SH3D19: variants seen among roughly 807,000 people sequenced by gnomAD.
The protein encoded by SH3D19 is SH3 domain-containing protein 19.
Under a neutral mutation model 112.1 loss-of-function variants are expected in SH3D19, and 58 were observed. The ratio of observed to expected loss-of-function variants is 0.52; its 90% CI spans 0.42 to 0.64. The LOEUF (loss-of-function observed/expected upper bound fraction) is 0.64. Among genes scored for constraint, SH3D19 ranks in the 30% least tolerant of loss-of-function variants. SH3D19 has a pLI of 0.00. For synonymous variants in SH3D19, 391 were observed against 448.5 expected, an observed-to-expected ratio of 0.87 and a Z score of 1.62; for missense variants, 1,090 against 1,263.4, an observed-to-expected ratio of 0.86 and a Z score of 2.08.
intron 1 of SH3D19, among the ~76,000 whole-genome samples, chr4:151,309,716 A>G (rs1580462592): frequency 6.6e-6 from 1 of 152,356 alleles, no homozygotes. Flanking sequence ...GAGGCTGGGC[A>G]TGACAGCTCA....
intron 1 of SH3D19, among the ~76,000 whole-genome samples, chr4:151,316,287 A>C (rs905911607): frequency 1.3e-5 from 2 of 152,212 alleles, no homozygotes; most frequent in Non-Finnish European, 2.9e-5. Context: ...ATCAAAAACA[A>C]GGAAAATCTA....
chr4:151,272,347 A>C (rs137917881), intron 1 of SH3D19, among the ~76,000 whole-genome samples: 111 of 152,350 alleles, frequency 7.3e-4, no homozygotes, highest in Non-Finnish European at 1.4e-3. Flanking sequence ...ATACCCATGA[A>C]AACGAAAGAA....
chr4:151,190,667 A>G (rs1473276548), intron 2 of SH3D19, among the ~76,000 whole-genome samples: 1 of 152,212 alleles, frequency 6.6e-6, no homozygotes. Flanking sequence ...GAGGTTTGGG[A>G]ACCTCCACCT....
At chr4:151,253,347 C>A (rs1337372048) in intron 1 of SH3D19, among the ~76,000 whole-genome samples, 1 of 152,206 alleles carries the variant, frequency 6.6e-6, no homozygotes, top group Non-Finnish European at 1.5e-5. Context: ...CCTCTCAGGT[C>A]TCTGCTCAGA....
At chr4:151,272,599 C>A (rs1773302906) in intron 1 of SH3D19, among the ~76,000 whole-genome samples, 1 of 152,098 alleles carries the variant, frequency 6.6e-6, no homozygotes, top group African/African-American at 2.4e-5. Context: ...CCTTTTTTAC[C>A]TTCACAACAT....
At chr4:151,151,896 A>T (rs1755120847) in intron 9 of SH3D19, among the ~76,000 whole-genome samples, 1 of 152,224 alleles carries the variant, frequency 6.6e-6, no homozygotes, top group Non-Finnish European at 1.5e-5. Context: ...AAGAAAATTT[A>T]AAAAATAGAT....
chr4:151,138,684 T>TCACACACACACA (rs1491306799), intron 13 of SH3D19, among the ~76,000 whole-genome samples: 3 of 135,780 alleles, frequency 2.2e-5, no homozygotes, highest in Non-Finnish European at 4.9e-5. Flanking sequence ...CAAGATCTTG[T>TCACACACACACA]CTCACACACA....
chr4:151,187,894 C>T (rs565759544), intron 2 of SH3D19, among the ~76,000 whole-genome samples: 66 of 152,276 alleles, frequency 4.3e-4, no homozygotes, highest in African/African-American at 1.5e-3. Flanking sequence ...AACAGCATTT[C>T]TTCTTAAGAT....
At chr4:151,287,170 G>C (rs1221034654) in intron 1 of SH3D19, among the ~76,000 whole-genome samples, 1 of 151,110 alleles carries the variant, frequency 6.6e-6, no homozygotes, top group African/African-American at 2.4e-5. Flanking sequence ...GTAAATCCTT[G>C]TCTCTATTAA....
chr4:151,158,472 G>C (rs1756544519), intron 9 of SH3D19, among the ~76,000 whole-genome samples: 1 of 151,872 alleles, frequency 6.6e-6, no homozygotes, highest in Admixed American at 6.6e-5. Context: ...GCTAATTTTT[G>C]TATTTTTAGT....
chr4:151,150,499 G>A (rs1391514777), intron 9 of SH3D19, among the ~76,000 whole-genome samples: 1 of 151,710 alleles, frequency 6.6e-6, no homozygotes, highest in Non-Finnish European at 1.5e-5. Context: ...TCAACAATTT[G>A]CAGTGGGTTT....
chr4:151,252,044 G>C (rs116676760), intron 1 of SH3D19, among the ~76,000 whole-genome samples: 3 of 152,184 alleles, frequency 2.0e-5, no homozygotes, highest in African/African-American at 7.2e-5. Context: ...TTCCTGTGTA[G>C]GAAAATCCGT....
chr4:151,165,544 C>T, intron 8 of SH3D19, 45 bp downstream of exon 8: 3 of 1,414,132 alleles, frequency 2.1e-6, no homozygotes, highest in Non-Finnish European at 3.0e-6. Flanking sequence ...TATATTTCTC[C>T]CAGCCTCTTG....
At chr4:151,203,297 A>G (rs1483061944) in intron 2 of SH3D19, among the ~76,000 whole-genome samples, 1 of 152,190 alleles carries the variant, frequency 6.6e-6, no homozygotes, top group Non-Finnish European at 1.5e-5. Context: ...GGGCTACTGG[A>G]TGACTTTCAG....
At chr4:151,173,125 A>G (rs1399684183) in intron 7 of SH3D19, among the ~76,000 whole-genome samples, 1 of 152,242 alleles carries the variant, frequency 6.6e-6, no homozygotes, top group Non-Finnish European at 1.5e-5. Context: ...GATACAAAAT[A>G]AATTCTCAGC....
chr4:151,304,187 CAG>C (rs1728724742), intron 1 of SH3D19, among the ~76,000 whole-genome samples: 1 of 151,962 alleles, frequency 6.6e-6, no homozygotes, highest in Non-Finnish European at 1.5e-5. Flanking sequence ...GAAAAAATGG[CAG>C]AGTTAAGACC....
intron 2 of SH3D19, among the ~76,000 whole-genome samples, chr4:151,191,924 C>T (rs1194099444): frequency 2.7e-5 from 4 of 146,216 alleles, no homozygotes; most frequent in East Asian, 2.0e-4. Flanking sequence ...GGATTACAGG[C>T]GTGAGCCACC....
At chr4:151,196,392 A>G (rs532584839) in intron 2 of SH3D19, among the ~76,000 whole-genome samples, 1 of 152,276 alleles carries the variant, frequency 6.6e-6, no homozygotes, top group Admixed American at 6.5e-5. Context: ...TGGCACCACC[A>G]CAGCCCAGCC....
intron 1 of SH3D19, among the ~76,000 whole-genome samples, chr4:151,275,547 A>T (rs1773529440): frequency 6.6e-6 from 1 of 152,168 alleles, no homozygotes; most frequent in South Asian, 2.1e-4. Flanking sequence ...TATTTGAGAC[A>T]GGTTCTTTCC....
Sources: allele counts gnomAD v4.1 joint callset (sites outside exome capture counted in the v4.1 genomes callset), GRCh38; gene constraint gnomAD v4.1.1; transcripts MANE v1.5; gene names NCBI Gene and HGNC (gene_info 2026-07-23, HGNC 2026-07-21).